The following PRKCB variants were observed in gnomAD, a reference collection of about 807,000 sequenced individuals.
The protein encoded by PRKCB is protein kinase C beta type.
In PRKCB, 13 loss-of-function variants were observed where a neutral mutation model predicts 81.5. The observed-to-expected ratio is 0.16, with a 90% CI of 0.10 to 0.25. The LOEUF is 0.25. PRKCB is among the 10% of genes least tolerant of loss of function. PRKCB has a pLI of 1.00. For synonymous variants in PRKCB, 335 were observed against 321.4 expected (o/e 1.04, Z -0.45); for missense variants, 509 against 875.7 (o/e 0.58, Z 5.29).
At chr16:23,915,688 T>TAAAAA (rs1963726297) in intron 2 of PRKCB, among the ~76,000 whole-genome samples, 2 of 2,650 alleles carry the variant, frequency 7.5e-4, no homozygotes, top group South Asian at 0.022. Flanking sequence ...AGACTCTCTA[T>TAAAAA]CAAAAAAAAA....
intron 2 of PRKCB, among the ~76,000 whole-genome samples, chr16:23,917,369 G>A (rs1351662669): frequency 2.6e-5 from 4 of 152,174 alleles, no homozygotes; most frequent in South Asian, 2.1e-4. Flanking sequence ...GAGCCACCAC[G>A]CCCGGCCACC....
intron 7 of PRKCB, among the ~76,000 whole-genome samples, chr16:24,103,664 T>G (rs1023648927): frequency 6.6e-6 from 1 of 152,232 alleles, no homozygotes; most frequent in Non-Finnish European, 1.5e-5. Context: ...ACCCAGGTAC[T>G]GAGCATAGTA....
chr16:23,951,578 GCT>G (rs1491229626), intron 2 of PRKCB, among the ~76,000 whole-genome samples: 4 of 118,416 alleles, frequency 3.4e-5, no homozygotes, highest in Non-Finnish European at 6.7e-5. Context: ...ACTATGCCAG[GCT>G]TTTTTTTTTT....
intron 4 of PRKCB, among the ~76,000 whole-genome samples, chr16:24,033,780 T>G (rs1328999717): frequency 6.6e-6 from 1 of 151,708 alleles, no homozygotes; most frequent in Non-Finnish European, 1.5e-5. Context: ...GAAGAAAAGA[T>G]AAAATGATTG....
chr16:23,916,424 TG>T (rs1963741118), intron 2 of PRKCB, among the ~76,000 whole-genome samples: 1 of 152,116 alleles, frequency 6.6e-6, no homozygotes, highest in South Asian at 2.1e-4. Context: ...TGGTCTCATT[TG>T]TAGAAAGGTT....
chr16:23,910,143 G>T lies in PRKCB; in HGVS notation c.205+72737G>T, dbSNP rs6497703. ...CTTCCTCTTTACTTGTCCCTCTTCC[G>T]CTCCAAGTTGCCTCCTGGCTTCCCA... On this transcript the variant is annotated intron_variant, in intron 2 of 16. Coordinates refer to ENST00000643927, the MANE Select transcript of PRKCB (RefSeq NM_002738.7). Among the ~76,000 whole-genome samples the T allele has an allele frequency of 2.1e-3, 320 of 151,830 alleles. 2 individuals are homozygous for T. The highest frequency in any genetic ancestry group is 7.3e-3 in the African/African-American group (303 of 41,388).
chr16:24,113,379 T>G (rs1356999653), intron 8 of PRKCB, among the ~76,000 whole-genome samples: 1 of 146,638 alleles, frequency 6.8e-6, no homozygotes, highest in Non-Finnish European at 1.5e-5. Flanking sequence ...CTTCCTTCCT[T>G]CCTGCCTTCC....
chr16:23,916,282 C>G (rs1380087378), intron 2 of PRKCB, among the ~76,000 whole-genome samples: 3 of 138,868 alleles, frequency 2.2e-5, no homozygotes, highest in African/African-American at 8.1e-5. Flanking sequence ...TGGTCTTGAA[C>G]TCCTGGCCAC....
intron 2 of PRKCB, 24 bp from the exon 3 acceptor site, chr16:23,988,484 C>G: frequency 6.2e-7 from 1 of 1,606,014 alleles, no homozygotes; most frequent in Non-Finnish European, 8.5e-7. Context: ...TCCCTTCCTC[C>G]CACCCTGATT....
At chr16:24,196,128 C>T (rs544892243) in intron 16 of PRKCB, among the ~76,000 whole-genome samples, 45 of 152,298 alleles carry the variant, frequency 3.0e-4, no homozygotes, top group African/African-American at 1.1e-3. Flanking sequence ...AATCTCATGC[C>T]TGTCTTTTTG....
At chr16:23,983,751 T>C (rs1567334670) in intron 2 of PRKCB, among the ~76,000 whole-genome samples, 1 of 152,056 alleles carries the variant, frequency 6.6e-6, no homozygotes, top group Non-Finnish European at 1.5e-5. Flanking sequence ...AGTCTCGCTC[T>C]GTCTCTTAGG....
intron 3 of PRKCB, among the ~76,000 whole-genome samples, chr16:24,023,529 C>T (rs377219901): frequency 4.9e-4 from 74 of 152,196 alleles, no homozygotes; most frequent in East Asian, 3.3e-3. Context: ...CCACCACGCC[C>T]GGCTAATTTT....
chr16:24,004,857 G>A (rs1450976086), intron 3 of PRKCB, among the ~76,000 whole-genome samples: 3 of 152,084 alleles, frequency 2.0e-5, no homozygotes, highest in African/African-American at 4.8e-5. Context: ...GGAATTTTTG[G>A]TAAGAAACCA....
At chr16:24,158,541 A>ATAT (rs1567395933) in intron 10 of PRKCB, among the ~76,000 whole-genome samples, 13 of 105,668 alleles carry the variant, frequency 1.2e-4, no homozygotes, top group African/African-American at 3.4e-4. Flanking sequence ...TATATGTATA[A>ATAT]GTATATGTAT....
intron 2 of PRKCB, among the ~76,000 whole-genome samples, chr16:23,978,209 C>G (rs965655565): frequency 4.6e-5 from 7 of 152,186 alleles, no homozygotes; most frequent in Non-Finnish European, 1.0e-4. Context: ...GACTCTGGAC[C>G]AGTGAACCCA....
At chr16:24,142,362 A>G (rs1030507555) in intron 9 of PRKCB, among the ~76,000 whole-genome samples, 16 of 152,186 alleles carry the variant, frequency 1.1e-4, no homozygotes, top group African/African-American at 3.4e-4. Context: ...GTTAACCTCC[A>G]TTTGATTAGC....
chr16:24,205,313 G>C (rs937057574), intron 16 of PRKCB, among the ~76,000 whole-genome samples: 4 of 151,550 alleles, frequency 2.6e-5, no homozygotes, highest in African/African-American at 9.7e-5. Context: ...CACCATGCCT[G>C]GCCAATTTTT....
At chr16:23,909,150 G>A (rs1963613036) in intron 2 of PRKCB, among the ~76,000 whole-genome samples, 1 of 152,206 alleles carries the variant, frequency 6.6e-6, no homozygotes, top group Non-Finnish European at 1.5e-5. Context: ...TCGCTTCCTT[G>A]TTAGTAGATA....
chr16:24,057,701 G>A (rs541258590), intron 5 of PRKCB, among the ~76,000 whole-genome samples: 2 of 152,282 alleles, frequency 1.3e-5, no homozygotes, highest in South Asian at 4.1e-4. Flanking sequence ...ATGGGGTTGT[G>A]ATAGGCTTCA....
Sources: gnomAD v4.1 joint callset for allele counts (sites outside exome capture counted in the v4.1 genomes callset) on GRCh38, gnomAD v4.1.1 for gene constraint, MANE v1.5 for transcripts, NCBI Gene and HGNC (gene_info 2026-07-23, HGNC 2026-07-21) for gene names.